RXRA: variants seen among roughly 807,000 people sequenced by gnomAD.
RXRA encodes the protein retinoic acid receptor RXR-alpha.
RXRA carries 5 observed loss-of-function variants against 44.5 expected under a neutral mutation model. That is an observed-to-expected ratio of 0.11 (90% confidence interval 0.06 to 0.24). The LOEUF is 0.24. RXRA is among the 10% of genes least tolerant of loss of function. The probability of loss-of-function intolerance (pLI) is 1.00; values close to 1 mark genes in which losing one functional copy is unlikely to be tolerated. For missense variants in RXRA, 412 were observed against 646.5 expected (o/e 0.64, Z 3.93); for synonymous variants, 291 against 271.4 (o/e 1.07, Z -0.71).
intron 1 of RXRA, among the ~76,000 whole-genome samples, chr9:134,387,978 T>G (rs192617715): frequency 7.2e-4 from 109 of 152,156 alleles, no homozygotes; most frequent in African/African-American, 2.5e-3. Context: ...TGAATTCAGA[T>G]CCCTTCGGCA....
rs1360490744 is a variant in RXRA, at chr9:134,436,751, C to T, written c.*137C>T. On this transcript the variant is annotated 3_prime_UTR_variant, in exon 10 of 10. Transcript: ENST00000481739. ...CTTTGGGGCACAGCCTGTCACTGCTCTGCCTAAGAGATGTGTTGTCACCCT... is the reference window on the plus strand; with the variant it reads ...CTTTGGGGCACAGCCTGTCACTGCTTTGCCTAAGAGATGTGTTGTCACCCT... The T allele has an allele frequency of 2.2e-5, 20 of 917,686 alleles. No individual in the cohort carries two copies. The highest frequency in any genetic ancestry group is 5.0e-5 in the Admixed American group (2 of 40,310). The allele number at this position is 917,686 out of a possible 1,614,324, so 56.8% of individuals were successfully genotyped here.
rs1051563017 is a variant in RXRA at position 134,337,959 on chromosome 9, G to A, written c.28+11300G>A. Among the ~76,000 whole-genome samples the A allele has an allele frequency of 8.5e-5, 13 of 152,186 alleles. No individual in the cohort carries two copies. In the South Asian group the frequency reaches 1.2e-3, roughly 15 times the overall value. ...TGGCGGGGGAGAGATGGGTGACTGC[G>A]CCCCCAGTGCTCACGGAGGGCCCCT... On this transcript the variant is annotated intron_variant, in intron 1 of 9. Transcript: ENST00000481739.
intron 1 of RXRA, among the ~76,000 whole-genome samples, chr9:134,369,366 TGTGC>T (rs1830462771): frequency 3.2e-5 from 3 of 92,796 alleles, no homozygotes; most frequent in Admixed American, 1.4e-4. Flanking sequence ...GTTGTGTGTG[TGTGC>T]GGGGGTTGTG....
chr9:134,406,186 A>G (rs1316502889), intron 2 of RXRA: 1 of 152,190 alleles, frequency 6.6e-6, no homozygotes. Context: ...GCTTGAGCCT[A>G]GGAGTTGGAG....
intron 1 of RXRA, among the ~76,000 whole-genome samples, chr9:134,386,233 C>G (rs1464467982): frequency 6.6e-6 from 1 of 152,274 alleles, no homozygotes; most frequent in Non-Finnish European, 1.5e-5. Flanking sequence ...CGCTGCATCA[C>G]CCGAGGCTGT....
intron 1 of RXRA, among the ~76,000 whole-genome samples, chr9:134,394,918 C>T (rs1830856290): frequency 6.6e-6 from 1 of 152,196 alleles, no homozygotes; most frequent in Admixed American, 6.5e-5. Context: ...GATAGGGAGT[C>T]AAGACCCTGC....
intron 7 of RXRA, among the ~76,000 whole-genome samples, chr9:134,430,114 C>G (rs1019636870): frequency 3.9e-5 from 6 of 152,338 alleles, no homozygotes; most frequent in African/African-American, 1.4e-4. Context: ...TCTCGATCTC[C>G]TGACCTCGTG....
chr9:134,345,410 A>T (rs1554748635), intron 1 of RXRA, among the ~76,000 whole-genome samples: 5 of 152,178 alleles, frequency 3.3e-5, no homozygotes. Context: ...ATTGCACTTC[A>T]GGCCCTACCC....
At chr9:134,424,067 T>G (rs1831393434) in intron 6 of RXRA, 9 of 985,440 alleles carry the variant, frequency 9.1e-6, no homozygotes, top group Non-Finnish European at 1.1e-5. Context: ...GGCTCCAGCC[T>G]CAGCCTGTGT....
chr9:134,389,157 GC>G (rs1318239229), intron 1 of RXRA, among the ~76,000 whole-genome samples: 1 of 152,216 alleles, frequency 6.6e-6, no homozygotes, highest in African/African-American at 2.4e-5. Flanking sequence ...CCCGTCCCCT[GC>G]CCCTCTGGAT....
intron 9 of RXRA, 97 bp from the exon 10 acceptor site, chr9:134,436,370 G>T: frequency 8.1e-7 from 1 of 1,230,002 alleles, no homozygotes; most frequent in Non-Finnish European, 1.2e-6. Flanking sequence ...GAGGGGTTGG[G>T]GTATCAGACA....
chr9:134,421,067 G>A (rs558148931), intron 5 of RXRA, among the ~76,000 whole-genome samples: 1 of 152,352 alleles, frequency 6.6e-6, no homozygotes, highest in Admixed American at 6.5e-5. Flanking sequence ...CTGCTCCAGT[G>A]CTGCCCATAT....
intron 1 of RXRA, among the ~76,000 whole-genome samples, chr9:134,363,115 G>A (rs994494763): frequency 1.2e-4 from 19 of 152,202 alleles, no homozygotes; most frequent in Admixed American, 7.9e-4. Context: ...TTCCCCGGGG[G>A]CTGTTGGGTG....
intron 1 of RXRA, among the ~76,000 whole-genome samples, chr9:134,333,962 C>A (rs560890437): frequency 5.2e-4 from 79 of 152,366 alleles, no homozygotes; most frequent in Non-Finnish European, 4.3e-4. Context: ...CCTTGGTGCC[C>A]AGCAGCCCCC....
At chr9:134,404,457 C>G (rs1831016712) in intron 2 of RXRA, 3 of 152,404 alleles carry the variant, frequency 2.0e-5, no homozygotes, top group Admixed American at 2.0e-4. Context: ...CTGGCTGCAG[C>G]CGGCTCACCT....
chr9:134,362,669 T>C (rs946905743), intron 1 of RXRA, among the ~76,000 whole-genome samples: 5 of 152,216 alleles, frequency 3.3e-5, no homozygotes, highest in Admixed American at 1.3e-4. Flanking sequence ...CGTGGATTCC[T>C]TCACACCTAC....
At chr9:134,390,532 G>A (rs1830784705) in intron 1 of RXRA, among the ~76,000 whole-genome samples, 1 of 152,174 alleles carries the variant, frequency 6.6e-6, no homozygotes, top group Non-Finnish European at 1.5e-5. Context: ...GGTTTGTCTC[G>A]CTCAGAGTGG....
chr9:134,410,415 A>G (rs1831129364), intron 4 of RXRA, among the ~76,000 whole-genome samples: 1 of 152,210 alleles, frequency 6.6e-6, no homozygotes, highest in Non-Finnish European at 1.5e-5. Context: ...CCTGGCCCCC[A>G]TCCAGACCTT....
rs34777429 is a variant in RXRA at position 134,433,970 on chromosome 9, C to T, written c.1136-132C>T. 4.0e-4 allele frequency: 256 copies of T among 637,762 alleles called. 2 individuals are homozygous for T. In the East Asian group the frequency reaches 6.9e-3, roughly 17 times the overall value. The allele number at this position is 637,762 out of a possible 1,614,324, so 39.5% of individuals were successfully genotyped here. A position where few individuals can be genotyped will look rare whatever the true frequency, so the allele number is the denominator to read the frequency against. On this transcript the variant is annotated intron_variant, in intron 8 of 9. Transcript: ENST00000481739. The surrounding 1 kb of genome is among the most constrained non-coding windows in gnomAD (Gnocchi z 4.2). ...GGGGAGCGGGCGGAGGCATGTCCAG[C>T]GGCATTCCTCCACCACCTGCTCTGC...
Sources: gnomAD v4.1 joint callset for allele counts (sites outside exome capture counted in the v4.1 genomes callset) on GRCh38, gnomAD v4.1.1 for gene constraint, Gnocchi (gnomAD v3.1) non-coding constraint, MANE v1.5 for transcripts, NCBI Gene and HGNC (gene_info 2026-07-23, HGNC 2026-07-21) for gene names.